The following XYLT1 variants were observed in gnomAD, a reference collection of about 807,000 sequenced individuals.
The protein encoded by XYLT1 is xylosyltransferase 1.
XYLT1 carries 36 observed loss-of-function variants against 91.3 expected under a neutral mutation model. That is an observed-to-expected ratio of 0.39 (90% CI 0.30 to 0.52). The LOEUF (loss-of-function observed/expected upper bound fraction) is 0.52, where lower values mean the gene tolerates loss of function less well. Ranked by LOEUF, XYLT1 falls within the 20% of genes least tolerant of loss-of-function variation. XYLT1 has a pLI of 0.68. For missense variants in XYLT1, 1,242 were observed against 1,284.5 expected (o/e 0.97, Z 0.51); for synonymous variants, 588 against 532.0 (o/e 1.11, Z -1.45).
chr16:17,242,090 C>T (rs2033353469), intron 3 of XYLT1, among the ~76,000 whole-genome samples: 2 of 152,090 alleles, frequency 1.3e-5, no homozygotes, highest in South Asian at 4.1e-4. Flanking sequence ...AAGACCCACC[C>T]CCGTGATTCA....
chr16:17,336,574 GTGCA>G (rs2034982180), intron 2 of XYLT1, among the ~76,000 whole-genome samples: 1 of 152,210 alleles, frequency 6.6e-6, no homozygotes, highest in Non-Finnish European at 1.5e-5. Flanking sequence ...AGGTGTGGGT[GTGCA>G]TGCATGTGTG....
chr16:17,275,729 C>A (rs2141778441), intron 2 of XYLT1, among the ~76,000 whole-genome samples: 1 of 152,340 alleles, frequency 6.6e-6, no homozygotes, highest in African/African-American at 2.4e-5. Context: ...TAACCATCAT[C>A]CTTCCTCCCC....
chr16:17,324,863 C>T (rs2034775452), intron 2 of XYLT1, among the ~76,000 whole-genome samples: 1 of 151,608 alleles, frequency 6.6e-6, no homozygotes, highest in Admixed American at 6.6e-5. Flanking sequence ...TCTTTCTTCT[C>T]TTTTTTTCAA....
chr16:17,228,990 GAC>G (rs1468041822), intron 3 of XYLT1, among the ~76,000 whole-genome samples: 1 of 152,014 alleles, frequency 6.6e-6, no homozygotes, highest in Non-Finnish European at 1.5e-5. Context: ...TATTTTTTGA[GAC>G]ACAGTCTCAC....
chr16:17,371,946 A>G (rs1381349046), intron 1 of XYLT1, among the ~76,000 whole-genome samples: 1 of 152,158 alleles, frequency 6.6e-6, no homozygotes, highest in Non-Finnish European at 1.5e-5. Context: ...CCCCCCCAAA[A>G]AAAGTTGCTA....
intron 1 of XYLT1, among the ~76,000 whole-genome samples, chr16:17,370,616 C>T (rs761203187): frequency 2.6e-5 from 4 of 152,276 alleles, no homozygotes; most frequent in Admixed American, 6.5e-5. Flanking sequence ...TTTGAGAACA[C>T]GATCTTCATG....
intron 3 of XYLT1, among the ~76,000 whole-genome samples, chr16:17,244,885 C>G (rs1217364537): frequency 6.6e-6 from 1 of 152,106 alleles, no homozygotes; most frequent in Non-Finnish European, 1.5e-5. Context: ...AGACCTCAGA[C>G]CTGGACATGT....
At chr16:17,378,973 G>A (rs1180313020) in intron 1 of XYLT1, among the ~76,000 whole-genome samples, 5 of 152,132 alleles carry the variant, frequency 3.3e-5, no homozygotes, top group African/African-American at 7.2e-5. Context: ...TCTTACCTCC[G>A]CTTTATCACA....
chr16:17,399,761 C>T (rs950466044), intron 1 of XYLT1, among the ~76,000 whole-genome samples: 1 of 152,212 alleles, frequency 6.6e-6, no homozygotes, highest in African/African-American at 2.4e-5. Flanking sequence ...TTCTGCACCC[C>T]TGTCCTCCGG....
At chr16:17,415,092 C>T (rs1339375304) in intron 1 of XYLT1, among the ~76,000 whole-genome samples, 1 of 152,058 alleles carries the variant, frequency 6.6e-6, no homozygotes, top group Non-Finnish European at 1.5e-5. Context: ...TGTTCATTCC[C>T]ATTTTGCAGA....
intron 2 of XYLT1, among the ~76,000 whole-genome samples, chr16:17,329,346 T>TGG (rs568377076): frequency 6.6e-6 from 1 of 152,180 alleles, no homozygotes; most frequent in African/African-American, 2.4e-5. Flanking sequence ...TCTTTTACCA[T>TGG]GGGGGGATAT....
At chr16:17,206,690 G>A (rs2141595062) in intron 3 of XYLT1, among the ~76,000 whole-genome samples, 1 of 152,242 alleles carries the variant, frequency 6.6e-6, no homozygotes, top group Middle Eastern at 3.4e-3. Flanking sequence ...GAGCTACGAT[G>A]GTGTCACTGC....
intron 2 of XYLT1, among the ~76,000 whole-genome samples, chr16:17,350,649 A>T (rs1484627649): frequency 1.3e-5 from 2 of 152,204 alleles, no homozygotes; most frequent in African/African-American, 4.8e-5. Flanking sequence ...GGAAAAAAAC[A>T]TATGGGCTGA....
At chr16:17,357,531 G>A (rs2035319127) in intron 2 of XYLT1, among the ~76,000 whole-genome samples, 2 of 152,182 alleles carry the variant, frequency 1.3e-5, no homozygotes, top group African/African-American at 2.4e-5. Context: ...AAATGCCACT[G>A]CAATCACAAT....
At chr16:17,129,093 A>C (rs796365263) in intron 9 of XYLT1, among the ~76,000 whole-genome samples, 1 of 150,916 alleles carries the variant, frequency 6.6e-6, no homozygotes, top group South Asian at 2.1e-4. Flanking sequence ...AAAAAAAAAA[A>C]AAAACTTGAA....
intron 2 of XYLT1, among the ~76,000 whole-genome samples, chr16:17,319,549 T>C (rs2034685922): frequency 1.3e-5 from 2 of 152,052 alleles, no homozygotes; most frequent in South Asian, 4.1e-4. Context: ...TTCAAGCGAT[T>C]CTCATGACTC....
At chr16:17,145,816 T>C (rs1010114788) in intron 6 of XYLT1, among the ~76,000 whole-genome samples, 1 of 152,250 alleles carries the variant, frequency 6.6e-6, no homozygotes, top group Admixed American at 6.5e-5. Flanking sequence ...GGCACAAAAA[T>C]GCTTCCTCTT....
intron 3 of XYLT1, among the ~76,000 whole-genome samples, chr16:17,213,860 G>A (rs193175161): frequency 1.3e-4 from 19 of 151,990 alleles, no homozygotes; most frequent in East Asian, 3.9e-4. Context: ...CTTGTGATTC[G>A]CCCGCCTCAG....
chr16:17,321,637 C>T (rs2034723226), intron 2 of XYLT1, among the ~76,000 whole-genome samples: 1 of 152,238 alleles, frequency 6.6e-6, no homozygotes, highest in Non-Finnish European at 1.5e-5. Flanking sequence ...GGATTACAGG[C>T]ATGAGCCACC....
Sources: gnomAD v4.1 joint callset for allele counts (sites outside exome capture counted in the v4.1 genomes callset) on GRCh38, gnomAD v4.1.1 for gene constraint, MANE v1.5 for transcripts, NCBI Gene and HGNC (gene_info 2026-07-23, HGNC 2026-07-21) for gene names.